Variants in FOSL2 observed in about 807,000 individuals in gnomAD.
The protein encoded by FOSL2 is FOS like 2, AP-1 transcription factor subunit.
FOSL2 carries 3 observed loss-of-function variants against 27.7 expected under a neutral mutation model. The observed-to-expected ratio is 0.11, with a 90% CI of 0.05 to 0.28. The LOEUF is 0.28. Ranked by LOEUF, FOSL2 falls within the 10% of genes least tolerant of loss-of-function variation. The pLI is 1.00. For missense variants in FOSL2, 333 were observed against 445.1 expected (o/e 0.75, Z 2.27); for synonymous variants, 179 against 190.1 (o/e 0.94, Z 0.48).
rs552649862 is a variant in FOSL2 at position 28,412,713 on chromosome 2, G to A, written c.*265G>A. The stretch of plus-strand genomic sequence containing the variant: ...GAAAAGCCTTGGAGAACTCGGTTTG[G>A]TAGACTTGGACATCTCTCTGGCTTC... On this transcript the variant is annotated 3_prime_UTR_variant, in exon 4 of 4. Coordinates refer to ENST00000264716, the MANE Select transcript of FOSL2 (RefSeq NM_005253.4). The surrounding 1 kb of genome is among the most constrained non-coding windows in gnomAD (Gnocchi z 7.1). 1.6e-4 allele frequency: 76 copies of A among 484,452 alleles called. No homozygotes were observed. The highest frequency in any genetic ancestry group is 1.4e-3 in the African/African-American group (72 of 52,528). 30.0% of individuals were successfully genotyped at this position (484,452 alleles called of 1,614,324 possible). A position where few individuals can be genotyped will look rare whatever the true frequency, so the allele number is the denominator to read the frequency against.
Position 28,392,971 on chromosome 2 carries a change from A to T in FOSL2, c.-750A>T. ...GAGAGAGAGAGAGAGAGAGAGGGAG[A>T]GGCGCGGCCGGGCGAGGCGGGCCCG... On this transcript the variant is annotated 5_prime_UTR_variant, in exon 1 of 4. Coordinates refer to ENST00000264716, the MANE Select transcript of FOSL2 (RefSeq NM_005253.4). The T allele has an allele frequency of 1.5e-6, 1 of 667,492 alleles. No homozygotes were observed. Among genetic ancestry groups the T allele is most frequent in the Non-Finnish European group, 2.8e-6 (1 of 356,990 alleles). The allele number at this position is 667,492 out of a possible 1,614,324, so 41.3% of individuals were successfully genotyped here. A position where few individuals can be genotyped will look rare whatever the true frequency, so the allele number is the denominator to read the frequency against.
Position 28,393,802 on chromosome 2 carries a change from A to G in FOSL2, c.82A>G (p.Ser28Gly), listed in dbSNP as rs201505339. 5.7e-4 allele frequency: 915 copies of G among 1,600,910 alleles called. 5 individuals are homozygous for G. In the African/African-American group the frequency reaches 0.011, roughly 18 times the overall value. Residue 28 changes from serine to glycine, a missense_variant, in exon 1 of 4, where the codon AGC becomes GGC. Coordinates refer to ENST00000264716, the MANE Select transcript of FOSL2 (RefSeq NM_005253.4). This position sits in a 1 kb window ranked among gnomAD's most constrained non-coding sequence, Gnocchi z 4.6. ...GSPAHAESYS[S>G]GGGGQQKFRV... Reference sequence around the variant, plus strand: ...TCCTGCGCACGCCGAGTCCTACTCCAGCGGCGGCGGCGGCCAGCAGGTAGG... The same window carrying G: ...TCCTGCGCACGCCGAGTCCTACTCCGGCGGCGGCGGCGGCCAGCAGGTAGG...
chr2:28,401,235 G>GT (rs1453508264), intron 1 of FOSL2, among the ~76,000 whole-genome samples: 2 of 122,620 alleles, frequency 1.6e-5, no homozygotes, highest in Admixed American at 7.8e-5. Flanking sequence ...CTCCTTGGGG[G>GT]TTTAAAAAAA....
chr2:28,392,891 C>CCGAGCGAACCAGCGAG lies in FOSL2; in HGVS notation c.-820_-805dup, dbSNP rs1196860402. 2.0e-5 allele frequency: 14 copies of CCGAGCGAACCAGCGAG among 714,696 alleles called. No homozygotes were observed. Among genetic ancestry groups the CCGAGCGAACCAGCGAG allele is most frequent in the South Asian group, 1.0e-4 (7 of 67,458 alleles). The allele number at this position is 714,696 out of a possible 1,614,324, so 44.3% of individuals were successfully genotyped here. The stretch of plus-strand genomic sequence containing the variant: ...TCATCTCGGGCAGAGCGCTAGGGCT[C>CCGAGCGAACCAGCGAG]CGAGCGAACCAGCGAGCGAGCGAAC... On this transcript the variant is annotated 5_prime_UTR_variant, in exon 1 of 4. Transcript: ENST00000264716.
intron 1 of FOSL2, among the ~76,000 whole-genome samples, chr2:28,401,367 A>G (rs1487533222): frequency 6.6e-6 from 1 of 152,100 alleles, no homozygotes; most frequent in Non-Finnish European, 1.5e-5. Context: ...GCCAGGGTTG[A>G]GAACCACTGG....
intron 2 of FOSL2, among the ~76,000 whole-genome samples, chr2:28,406,264 G>C (rs912090207): frequency 6.6e-6 from 1 of 152,064 alleles, no homozygotes; most frequent in African/African-American, 2.4e-5. Flanking sequence ...ATTTTGCCAT[G>C]TTGGCTAGGC....
chr2:28,416,788 A>G lies in FOSL2; in HGVS notation c.*4340A>G, dbSNP rs1328982162. 2 of 152,038 alleles carry G rather than the reference A, an allele frequency of 1.3e-5. No homozygotes were observed. The highest frequency in any genetic ancestry group is 1.3e-4 in the Admixed American group (2 of 15,250). The allele number at this position is 152,038 out of a possible 1,614,324, so 9.4% of individuals were successfully genotyped here. A position where few individuals can be genotyped will look rare whatever the true frequency, so the allele number is the denominator to read the frequency against. On this transcript the variant is annotated 3_prime_UTR_variant, in exon 4 of 4. Coordinates refer to ENST00000264716, the MANE Select transcript of FOSL2 (RefSeq NM_005253.4). Reference sequence around the variant, plus strand: ...GTCTTTTCTGCCGTGGGAGATGTGTATATATATAGTATTTTGGTGTATAGT... The same window carrying G: ...GTCTTTTCTGCCGTGGGAGATGTGTGTATATATAGTATTTTGGTGTATAGT...
Position 28,412,119 on chromosome 2 carries a change from G to A in FOSL2, c.652G>A (p.Ala218Thr), listed in dbSNP as rs777446398. ...PMRSGGGSVG[A>T]VVVKQEPLEE... ...GCGCAGTGGGGGTGGCTCGGTGGGC[G>A]CTGTAGTGGTGAAACAGGAGCCCCT... The change falls in exon 4 of 4, where the codon GCT becomes ACT. Residue 218 changes from alanine to threonine, a missense_variant. By Grantham distance (58) the Ala-to-Thr change is moderately conservative. Transcript: ENST00000264716. The surrounding 1 kb of genome is among the most constrained non-coding windows in gnomAD (Gnocchi z 7.1). The A allele has an allele frequency of 4.4e-6, 7 of 1,605,158 alleles. No homozygotes were observed. Among genetic ancestry groups the A allele is most frequent in the East Asian group, 2.2e-5 (1 of 44,834 alleles).
In FOSL2 at chr2:28,413,275, C is replaced by G. The variant is rs1664241413; in HGVS notation, c.*827C>G. ...CAGGCCAGGAAGCATGCCAACAAAG[C>G]CACACGGGTGTCCTAGCCAGCTTCC... On this transcript the variant is annotated 3_prime_UTR_variant, in exon 4 of 4. Coordinates refer to ENST00000264716, the MANE Select transcript of FOSL2 (RefSeq NM_005253.4). 2.6e-6 allele frequency: 1 copy of G among 390,598 alleles called. No homozygotes were observed. Among genetic ancestry groups the G allele is most frequent in the African/African-American group, 2.1e-5 (1 of 48,460 alleles). 24.2% of individuals were successfully genotyped at this position (390,598 alleles called of 1,614,324 possible).
intron 2 of FOSL2, among the ~76,000 whole-genome samples, chr2:28,407,945 A>G (rs1025537540): frequency 2.6e-5 from 4 of 152,166 alleles, no homozygotes; most frequent in Admixed American, 1.3e-4. Context: ...TTGCAGGGGA[A>G]TCTTCCTTTG....
At chr2:28,411,730 C>G (rs1371778059) in intron 3 of FOSL2, 200 bp from the exon 4 acceptor site, 5 of 620,648 alleles carry the variant, frequency 8.1e-6, no homozygotes, top group South Asian at 5.8e-5. Flanking sequence ...TACCCCCTCT[C>G]CAAGCTGACT....
Position 28,393,189 on chromosome 2 carries a change from A to T in FOSL2, c.-532A>T. 3.9e-6 allele frequency: 1 copy of T among 253,674 alleles called. No homozygotes were observed. The highest frequency in any genetic ancestry group is 1.2e-3 in the Middle Eastern group (1 of 840). 15.7% of individuals were successfully genotyped at this position (253,674 alleles called of 1,614,324 possible). ...GAGCCGCCCCGAAACTCGGGCGGCGAGTCGGCCACGGGAAGTTTATTCTCC... is the reference window on the plus strand; with the variant it reads ...GAGCCGCCCCGAAACTCGGGCGGCGTGTCGGCCACGGGAAGTTTATTCTCC... On this transcript the variant is annotated 5_prime_UTR_variant, in exon 1 of 4. Coordinates refer to ENST00000264716, the MANE Select transcript of FOSL2 (RefSeq NM_005253.4). This position sits in a 1 kb window ranked among gnomAD's most constrained non-coding sequence, Gnocchi z 4.6.
At chr2:28,411,764 A>T in intron 3 of FOSL2, 166 bp from the exon 4 acceptor site, 1 of 673,048 alleles carries the variant, frequency 1.5e-6, no homozygotes, top group East Asian at 2.7e-5. Context: ...AATGAAAGGA[A>T]TCTTGAGCCT....
At chr2:28,394,730 G>A (rs551205770) in intron 1 of FOSL2, 3 of 152,428 alleles carry the variant, frequency 2.0e-5, no homozygotes, top group Admixed American at 6.5e-5. Flanking sequence ...GCTGTTGGCG[G>A]GGGGGTGCTG....
intron 2 of FOSL2, among the ~76,000 whole-genome samples, chr2:28,405,549 T>C (rs1664058729): frequency 6.6e-6 from 1 of 152,176 alleles, no homozygotes; most frequent in Non-Finnish European, 1.5e-5. Flanking sequence ...CTTTCAAACA[T>C]GGTTCCCAGT....
chr2:28,406,409 T>C (rs912308567), intron 2 of FOSL2, among the ~76,000 whole-genome samples: 9 of 152,182 alleles, frequency 5.9e-5, no homozygotes, highest in Non-Finnish European at 1.3e-4. Context: ...ATTTAGAAAT[T>C]TGTATCCAGA....
chr2:28,397,379 A>G (rs991018746), intron 1 of FOSL2, among the ~76,000 whole-genome samples: 2 of 151,862 alleles, frequency 1.3e-5, no homozygotes, highest in African/African-American at 4.8e-5. Flanking sequence ...GGAGGCATAG[A>G]TTAAGGGTCT....
rs772029817 is a variant in FOSL2 at position 28,393,691 on chromosome 2, C to T, written c.-30C>T. The T allele has an allele frequency of 9.1e-6, 14 of 1,531,568 alleles. No individual in the cohort carries two copies. Among genetic ancestry groups the T allele is most frequent in the Middle Eastern group, 1.8e-4 (1 of 5,692 alleles). The allele number at this position is 1,531,568 out of a possible 1,614,324, so 94.9% of individuals were successfully genotyped here. A position where few individuals can be genotyped will look rare whatever the true frequency, so the allele number is the denominator to read the frequency against. The stretch of plus-strand genomic sequence containing the variant: ...GCGAGGGCGGGGGAAGAAAAACACC[C>T]TGTTTCCTCTCCGGCCCCCACCGCG... On this transcript the variant is annotated 5_prime_UTR_variant, in exon 1 of 4. Coordinates refer to ENST00000264716, the MANE Select transcript of FOSL2 (RefSeq NM_005253.4). This position sits in a 1 kb window ranked among gnomAD's most constrained non-coding sequence, Gnocchi z 4.6.
At chr2:28,402,946 A>G (rs1572488863) in intron 1 of FOSL2, among the ~76,000 whole-genome samples, 1 of 152,234 alleles carries the variant, frequency 6.6e-6, no homozygotes, top group Non-Finnish European at 1.5e-5. Flanking sequence ...GAGATAATCT[A>G]GGTAAGCCAT....
Sources: allele counts gnomAD v4.1 joint callset (sites outside exome capture counted in the v4.1 genomes callset), GRCh38; gene constraint gnomAD v4.1.1; non-coding constraint Gnocchi (gnomAD v3.1); transcripts MANE v1.5; gene names NCBI Gene and HGNC (gene_info 2026-07-23, HGNC 2026-07-21).